The following ACCSL variants were observed in gnomAD, a reference collection of about 807,000 sequenced individuals.
The protein encoded by ACCSL is probable inactive 1-aminocyclopropane-1-carboxylate synthase-like protein 2.
A neutral mutation model predicts 61.7 loss-of-function variants in ACCSL; 55 were observed. That is an observed-to-expected ratio of 0.89 (90% CI 0.72 to 1.12). ACCSL has a LOEUF of 1.12. ACCSL is among the 50% of genes most tolerant of loss of function. ACCSL has a pLI of 0.00. For synonymous variants in ACCSL, 258 were observed against 264.3 expected, an observed-to-expected ratio of 0.98 and a Z score of 0.23; for missense variants, 632 against 698.0, an observed-to-expected ratio of 0.91 and a Z score of 1.07.
the ACCSL span, among the ~76,000 whole-genome samples, chr11:43,982,084 A>G: frequency 6.6e-6 from 1 of 152,074 alleles, no homozygotes; most frequent in African/African-American, 2.4e-5. Flanking sequence ...CGGGTGACAG[A>G]GCCCAAGCCT....
At chr11:44,015,793 C>A in the ACCSL span, among the ~76,000 whole-genome samples, 1 of 152,220 alleles carries the variant, frequency 6.6e-6, no homozygotes, top group African/African-American at 2.4e-5. Context: ...AGTCCTCTGA[C>A]CTTGGACCAG....
the ACCSL span, among the ~76,000 whole-genome samples, chr11:43,937,702 C>G: frequency 6.6e-6 from 1 of 152,056 alleles, no homozygotes; most frequent in Admixed American, 6.6e-5. Flanking sequence ...CCCCTCACCT[C>G]TCCCCTAGCT....
At chr11:44,035,957 A>AG in the ACCSL span, among the ~76,000 whole-genome samples, 28 of 151,494 alleles carry the variant, frequency 1.8e-4, no homozygotes, top group East Asian at 5.8e-4. Context: ...AAAAAAAAAA[A>AG]AAAGAAAGAA....
the ACCSL span, among the ~76,000 whole-genome samples, chr11:43,937,720 C>T: frequency 6.6e-6 from 1 of 151,834 alleles, no homozygotes; most frequent in East Asian, 1.9e-4. Flanking sequence ...GCTTCAGTGG[C>T]CTGCTTGACA....
At chr11:43,938,258 A>C in the ACCSL span, among the ~76,000 whole-genome samples, 16 of 152,014 alleles carry the variant, frequency 1.1e-4, no homozygotes, top group African/African-American at 3.9e-4. Flanking sequence ...GCCCTTCAAC[A>C]TTGCTTGCCT....
upstream of ACCSL, among the ~76,000 whole-genome samples, chr11:44,045,739 T>G (rs1371730675): frequency 3.3e-5 from 5 of 152,022 alleles, no homozygotes; most frequent in Non-Finnish European, 7.4e-5. Context: ...TGGCAAGAAG[T>G]CTAAGAGCCC....
the ACCSL span, among the ~76,000 whole-genome samples, chr11:43,936,356 T>C: frequency 6.6e-6 from 1 of 152,286 alleles, no homozygotes; most frequent in East Asian, 1.9e-4. Context: ...CTCAACCAAG[T>C]TGGGGGCTGG....
the ACCSL span, among the ~76,000 whole-genome samples, chr11:43,950,948 A>T: frequency 3.9e-5 from 6 of 152,176 alleles, no homozygotes; most frequent in Non-Finnish European, 7.3e-5. Flanking sequence ...CTAAAACATA[A>T]GGCATTGACT....
At chr11:43,928,453 T>G in the ACCSL span, among the ~76,000 whole-genome samples, 1 of 152,310 alleles carries the variant, frequency 6.6e-6, no homozygotes, top group Admixed American at 6.5e-5. Context: ...CTTACCTCCA[T>G]GACCACAGTC....
the ACCSL span, among the ~76,000 whole-genome samples, chr11:43,940,309 G>A: frequency 3.3e-3 from 496 of 151,874 alleles, 3 homozygotes; most frequent in African/African-American, 0.011. Context: ...AACATAAATT[G>A]GAGCATGCAT....
chr11:44,051,950 C>T (rs1021220033), intron 5 of ACCSL, among the ~76,000 whole-genome samples: 3 of 152,118 alleles, frequency 2.0e-5, no homozygotes, highest in Non-Finnish European at 2.9e-5. Flanking sequence ...GAGGTATGCC[C>T]CAGGAATGAT....
the ACCSL span, among the ~76,000 whole-genome samples, chr11:43,990,890 G>C: frequency 1.3e-5 from 2 of 152,112 alleles, no homozygotes; most frequent in African/African-American, 4.8e-5. Context: ...GGCCAGCAGA[G>C]TAAAATCCTG....
At chr11:43,979,287 A>G in the ACCSL span, among the ~76,000 whole-genome samples, 187 of 152,256 alleles carry the variant, frequency 1.2e-3, no homozygotes, top group African/African-American at 4.3e-3. Flanking sequence ...AGCTGTGATC[A>G]CACCACTGCA....
the ACCSL span, chr11:43,942,904 C>T: frequency 7.2e-7 from 1 of 1,387,268 alleles, no homozygotes; most frequent in East Asian, 3.1e-5. Flanking sequence ...CCGGAGGCGC[C>T]ATGGCCGCCA....
chr11:44,037,970 T>C, the ACCSL span, among the ~76,000 whole-genome samples: 1 of 152,172 alleles, frequency 6.6e-6, no homozygotes, highest in African/African-American at 2.4e-5. Context: ...CCAACCACCC[T>C]TCTTTGCGTT....
chr11:43,982,975 GC>G, the ACCSL span, among the ~76,000 whole-genome samples: 4 of 152,188 alleles, frequency 2.6e-5, no homozygotes, highest in Non-Finnish European at 5.9e-5. Flanking sequence ...CAGGCCTCCA[GC>G]CCCTAGTCAG....
chr11:44,042,743 C>T, the ACCSL span, among the ~76,000 whole-genome samples: 1 of 151,786 alleles, frequency 6.6e-6, no homozygotes, highest in South Asian at 2.1e-4. Flanking sequence ...AAGTATGAGG[C>T]CCAACCCCAT....
chr11:43,967,802 G>GGCA, the ACCSL span, among the ~76,000 whole-genome samples: 31 of 152,258 alleles, frequency 2.0e-4, no homozygotes, highest in African/African-American at 7.2e-4. Context: ...CCAGCTATTG[G>GGCA]TAGAAGTTTC....
chr11:44,002,324 C>T, the ACCSL span, among the ~76,000 whole-genome samples: 1 of 152,180 alleles, frequency 6.6e-6, no homozygotes, highest in Non-Finnish European at 1.5e-5. Context: ...CCACCCCGAG[C>T]TGGCCTACCT....
Sources: gnomAD v4.1 joint callset for allele counts (sites outside exome capture counted in the v4.1 genomes callset) on GRCh38, gnomAD v4.1.1 for gene constraint, MANE v1.5 for transcripts, NCBI Gene and HGNC (gene_info 2026-07-23, HGNC 2026-07-21) for gene names.